MYB: variants seen among roughly 807,000 people sequenced by gnomAD.
MYB encodes MYB proto-oncogene, transcription factor.
A neutral mutation model predicts 92.9 loss-of-function variants in MYB; 28 were observed. That is an observed-to-expected ratio of 0.30 (90% confidence interval 0.22 to 0.41). The LOEUF is 0.41. Among genes scored for constraint, MYB ranks in the 10% least tolerant of loss-of-function variants. MYB has a pLI of 1.00. For missense variants in MYB, 679 were observed against 929.3 expected, an observed-to-expected ratio of 0.73 and a Z score of 3.50; for synonymous variants, 295 against 329.1, an observed-to-expected ratio of 0.90 and a Z score of 1.12.
chr6:135,181,521 G>C lies in MYB; in HGVS notation c.8G>C (p.Arg3Pro). 8.6e-7 allele frequency: 1 copy of C among 1,157,798 alleles called. No homozygotes were observed. Among genetic ancestry groups the C allele is most frequent in the Non-Finnish European group, 1.1e-6 (1 of 940,678 alleles). 71.7% of individuals were successfully genotyped at this position (1,157,798 alleles called of 1,614,324 possible). The change falls in exon 1 of 16, where the codon CGA (arginine) becomes CCA (proline). Residue 3 changes from arginine (R) to proline (P), a missense_variant. Physicochemically the swap from Arg to Pro is moderately radical, Grantham distance 103. Around this residue, in one of 8 missense-constraint regions of MYB, gnomAD observed 88 missense variants for 145.6 expected, o/e 0.60. Transcript: ENST00000341911. This position sits in a 1 kb window ranked among gnomAD's most constrained non-coding sequence, Gnocchi z 5.3. ...CCCCGCGCCCGCCGCGCCATGGCCC[G>C]AAGACCCCGGCACAGGTAACGGGGA... Reference protein sequence around the residue: MARRPRHSIYSSD... With the variant: MAPRPRHSIYSSD...
chr6:135,204,352 G>A (rs1430888339), intron 15 of MYB, among the ~76,000 whole-genome samples: 1 of 152,218 alleles, frequency 6.6e-6, no homozygotes, highest in African/African-American at 2.4e-5. Context: ...AGGCTGGAGT[G>A]TAGTGGGGTG....
chr6:135,183,528 C>G (rs1775466700), intron 1 of MYB, among the ~76,000 whole-genome samples: 1 of 152,188 alleles, frequency 6.6e-6, no homozygotes, highest in African/African-American at 2.4e-5. Context: ...AATCCTCTGA[C>G]TGTTGGGTCT....
rs759440188 is a variant in MYB at position 135,200,500 on chromosome 6, G to A, written c.1950+85G>A. On this transcript the variant is annotated intron_variant, in intron 13 of 15. Transcript: ENST00000341911. ...GTGCAGCTTGATGTGTCTGCCATTG[G>A]CACTGTGCAACACCACGACTTTTCG... 8 of 1,578,132 alleles carry A rather than the reference G, an allele frequency of 5.1e-6. No homozygotes were observed. In the Admixed American group the frequency reaches 6.7e-5, roughly 13 times the overall value.
In MYB at chr6:135,203,804, A is replaced by G. The variant is rs568128863; in HGVS notation, c.2169+480A>G. 77 of 1,289,396 alleles carry G rather than the reference A, an allele frequency of 6.0e-5. 1 individual carries two copies. The African/African-American group carries it at 9.4e-4, about 16-fold the overall frequency. The allele number at this position is 1,289,396 out of a possible 1,614,324, so 79.9% of individuals were successfully genotyped here. A position where few individuals can be genotyped will look rare whatever the true frequency, so the allele number is the denominator to read the frequency against. ...AATTGCAATGTATTTGACTGTCAGA[A>G]TAAGAAAGTCAACTGTCAATGTTGT... On this transcript the variant is annotated intron_variant, in intron 15 of 15. Coordinates refer to ENST00000341911, the MANE Select transcript of MYB (RefSeq NM_001130173.2).
intron 10 of MYB, among the ~76,000 whole-genome samples, chr6:135,198,341 T>A (rs1199455382): frequency 6.6e-6 from 1 of 152,232 alleles, no homozygotes; most frequent in East Asian, 1.9e-4. Flanking sequence ...TTGTGCCTTG[T>A]GAATTTCCAG....
rs761848825 is a variant in MYB at position 135,218,001 on chromosome 6, A to G, written c.*21A>G. ...TGTGAGACATTTCCAGAAAAGCATT[A>G]TGGTTTTCAGAACACTTCAAGTTGA... On this transcript the variant is annotated 3_prime_UTR_variant, in exon 16 of 16. Transcript: ENST00000341911. The G allele has an allele frequency of 1.8e-4, 275 of 1,548,140 alleles. No individual in the cohort carries two copies. The highest frequency in any genetic ancestry group is 2.4e-4 in the Non-Finnish European group (268 of 1,120,100).
At chr6:135,205,913 A>C (rs908782512) in intron 15 of MYB, among the ~76,000 whole-genome samples, 1 of 152,192 alleles carries the variant, frequency 6.6e-6, no homozygotes, top group South Asian at 2.1e-4. Context: ...CTATTAAAAA[A>C]TAATTAGCTG....
rs971223587 is a variant in MYB, at chr6:135,202,095, CTT to C, written c.2061+347_2061+348del. 7.2e-5 allele frequency among the ~76,000 whole-genome samples: 11 copies of C among 152,160 alleles called. No homozygotes were observed. In the South Asian group the frequency reaches 2.1e-3, roughly 29 times the overall value. On this transcript the variant is annotated intron_variant, in intron 14 of 15. Coordinates refer to ENST00000341911, the MANE Select transcript of MYB (RefSeq NM_001130173.2). ...ATATTGTCTTCTTGTTAAGTTGTCT[CTT>C]GTTTGGTTTGTGTAGCATCTCATAT...
At chr6:135,205,365 G>T (rs775560209) in intron 15 of MYB, among the ~76,000 whole-genome samples, 8 of 151,948 alleles carry the variant, frequency 5.3e-5, no homozygotes, top group Non-Finnish European at 1.0e-4. Context: ...CTAGTCTGGG[G>T]CCAACTTGTA....
intron 15 of MYB, among the ~76,000 whole-genome samples, chr6:135,212,461 T>C (rs1414157335): frequency 6.6e-6 from 1 of 152,104 alleles, no homozygotes; most frequent in Non-Finnish European, 1.5e-5. Flanking sequence ...CCTGTGGACA[T>C]GGTCTTGTTT....
chr6:135,203,399 G>C, intron 15 of MYB, 75 bp downstream of exon 15: 1 of 1,210,056 alleles, frequency 8.3e-7, no homozygotes, highest in African/African-American at 1.5e-5. Context: ...TGGTGGTGGT[G>C]GTGGTGATGG....
chr6:135,200,817 A>T (rs1009291599), intron 13 of MYB: 1 of 271,434 alleles, frequency 3.7e-6, no homozygotes, highest in African/African-American at 2.3e-5. Context: ...GGTGGCTCAT[A>T]CCTGTAATCC....
Position 135,218,082 on chromosome 6 carries a change from T to C in MYB, c.*102T>C, listed in dbSNP as rs1780694839. 4 of 933,954 alleles carry C rather than the reference T, an allele frequency of 4.3e-6. No homozygotes were observed. The highest frequency in any genetic ancestry group is 6.9e-6 in the Non-Finnish European group (4 of 576,712). 57.9% of individuals were successfully genotyped at this position (933,954 alleles called of 1,614,324 possible). ...TTTTCATGAATGGGAGAAGAACCTA[T>C]TTTTGTTGTGGTACAACAGTTGAGA... On this transcript the variant is annotated 3_prime_UTR_variant, in exon 16 of 16. Transcript: ENST00000341911.
Position 135,181,567 on chromosome 6 carries a change from C to CG in MYB, c.23+36dup. 9.0e-7 allele frequency: 1 copy of CG among 1,116,828 alleles called. No individual in the cohort carries two copies. Among genetic ancestry groups the CG allele is most frequent in the Non-Finnish European group, 1.1e-6 (1 of 904,132 alleles). 69.2% of individuals were successfully genotyped at this position (1,116,828 alleles called of 1,614,324 possible). A position where few individuals can be genotyped will look rare whatever the true frequency, so the allele number is the denominator to read the frequency against. The stretch of plus-strand genomic sequence containing the variant: ...GGGGAGCCGGGCGGGCGGCCGAGGG[C>CG]GGGGGCGCGCGGGGGCGCGCGGGGC... On this transcript the variant is annotated intron_variant, in intron 1 of 15. Transcript: ENST00000341911. This position sits in a 1 kb window ranked among gnomAD's most constrained non-coding sequence, Gnocchi z 5.3.
At position 135,197,189 on chromosome 6, in the gene MYB, G is replaced by A; in HGVS notation, c.1432G>A (p.Val478Ile). The A allele has an allele frequency of 6.2e-7, 1 of 1,613,902 alleles. No homozygotes were observed. Among genetic ancestry groups the A allele is most frequent in the Non-Finnish European group, 8.5e-7 (1 of 1,179,878 alleles). ...PPARHSTIPL[V>I]ILRKKRGQAS... ...TGCAAGGCACAGCACAATTCCACTG[G>A]TCATCCTTCGAAAAAAACGGGGCCA... Residue 478 changes from valine (V) to isoleucine (I), a missense_variant, in exon 10 of 16, where the codon GTC becomes ATC. Physicochemically the swap from Val to Ile is conservative, Grantham distance 29 (BLOSUM62 3). Transcript: ENST00000341911.
At chr6:135,191,076 G>C (rs1157800563) in intron 5 of MYB, among the ~76,000 whole-genome samples, 1 of 152,060 alleles carries the variant, frequency 6.6e-6, no homozygotes, top group African/African-American at 2.4e-5. Context: ...TATAGGCATG[G>C]GCCACCATAC....
intron 3 of MYB, 26 bp downstream of exon 3, chr6:135,187,931 C>T (rs545766254): frequency 1.9e-5 from 29 of 1,518,318 alleles, no homozygotes; most frequent in Non-Finnish European, 2.4e-5. Flanking sequence ...TTTCTTATAA[C>T]GAAAGGAAAG....
intron 9 of MYB, 85 bp downstream of exon 9, chr6:135,196,087 C>A: frequency 7.2e-7 from 1 of 1,381,786 alleles, no homozygotes; most frequent in Non-Finnish European, 1.0e-6. Flanking sequence ...TTTTCTATAG[C>A]CAAGCTGTTA....
At chr6:135,207,333 A>G (rs2128312718) in intron 15 of MYB, among the ~76,000 whole-genome samples, 1 of 152,340 alleles carries the variant, frequency 6.6e-6, no homozygotes, top group Non-Finnish European at 1.5e-5. Context: ...CTAAAATGTA[A>G]AATGTTTGCA....
Sources: allele counts gnomAD v4.1 joint callset (sites outside exome capture counted in the v4.1 genomes callset), GRCh38; gene constraint gnomAD v4.1.1; regional missense constraint gnomAD v4.1.1; non-coding constraint Gnocchi (gnomAD v3.1); transcripts MANE v1.5; gene names NCBI Gene and HGNC (gene_info 2026-07-23, HGNC 2026-07-21).